DSCAML1: variants seen among roughly 807,000 people sequenced by gnomAD.
DSCAML1 encodes DS cell adhesion molecule like 1.
In DSCAML1, 38 loss-of-function variants were observed where a neutral mutation model predicts 200.5. The ratio of observed to expected loss-of-function variants is 0.19; its 90% CI spans 0.15 to 0.25. The LOEUF (loss-of-function observed/expected upper bound fraction) is 0.25. Ranked by LOEUF, DSCAML1 falls within the 10% of genes least tolerant of loss-of-function variation. The pLI is 1.00. For synonymous variants in DSCAML1, 1,215 were observed against 1,165.0 expected, an observed-to-expected ratio of 1.04 and a Z score of -0.87; for missense variants, 2,223 against 2,858.8, an observed-to-expected ratio of 0.78 and a Z score of 5.07.
chr11:117,443,791 C>T, intron 21 of DSCAML1, 95 bp downstream of exon 21: 4 of 1,477,996 alleles, frequency 2.7e-6, no homozygotes, highest in Non-Finnish European at 2.7e-6. Context: ...GCAGATAAAG[C>T]GGAGCAGGCA....
intron 15 of DSCAML1, among the ~76,000 whole-genome samples, chr11:117,470,501 G>C (rs1033470185): frequency 2.0e-5 from 3 of 152,240 alleles, no homozygotes; most frequent in African/African-American, 7.2e-5. Flanking sequence ...CATGAACCCA[G>C]GGGGTGGAGC....
At chr11:117,725,823 C>T (rs973990663) in intron 3 of DSCAML1, among the ~76,000 whole-genome samples, 1 of 151,076 alleles carries the variant, frequency 6.6e-6, no homozygotes, top group Non-Finnish European at 1.5e-5. Context: ...CAAAACAAAA[C>T]AAAACAAAAC....
intron 4 of DSCAML1, among the ~76,000 whole-genome samples, chr11:117,529,710 G>A (rs1052129408): frequency 6.6e-6 from 1 of 151,880 alleles, no homozygotes; most frequent in South Asian, 2.1e-4. Flanking sequence ...AGGAGCTCTC[G>A]GGGGTCCTGG....
intron 3 of DSCAML1, among the ~76,000 whole-genome samples, chr11:117,594,455 C>T (rs908634808): frequency 2.6e-5 from 4 of 152,204 alleles, no homozygotes; most frequent in Non-Finnish European, 4.4e-5. Context: ...TCATCAGATC[C>T]GCTGATGCTC....
chr11:117,732,037 C>T (rs2054230127), intron 3 of DSCAML1, among the ~76,000 whole-genome samples: 1 of 152,148 alleles, frequency 6.6e-6, no homozygotes, highest in African/African-American at 2.4e-5. Flanking sequence ...AAGGGCCCTA[C>T]TGTCCTCCAG....
intron 11 of DSCAML1, among the ~76,000 whole-genome samples, chr11:117,482,603 G>A (rs1200897886): frequency 6.6e-6 from 1 of 152,146 alleles, no homozygotes; most frequent in Non-Finnish European, 1.5e-5. Context: ...CCATGATCCT[G>A]TAATAGTGCT....
chr11:117,703,775 C>T (rs368021212), intron 3 of DSCAML1, among the ~76,000 whole-genome samples: 2 of 152,332 alleles, frequency 1.3e-5, no homozygotes, highest in East Asian at 3.9e-4. Context: ...ATGTCTATCT[C>T]TAGAGCCTGG....
intron 16 of DSCAML1, 51 bp from the exon 17 acceptor site, chr11:117,465,233 T>C (rs1181781710): frequency 6.9e-6 from 11 of 1,596,678 alleles, no homozygotes; most frequent in South Asian, 4.5e-5. Flanking sequence ...CACGCTGAGA[T>C]GATGCTCTTA....
chr11:117,483,244 G>A (rs901994119), intron 11 of DSCAML1, among the ~76,000 whole-genome samples: 7 of 152,300 alleles, frequency 4.6e-5, no homozygotes, highest in South Asian at 2.1e-4. Flanking sequence ...ATGAGACCTC[G>A]TGCCAGGCTG....
intron 20 of DSCAML1, among the ~76,000 whole-genome samples, chr11:117,444,773 A>G (rs778198770): frequency 1.3e-5 from 2 of 152,232 alleles, no homozygotes; most frequent in African/African-American, 4.8e-5. Context: ...CTTGGAAACC[A>G]GAGGCTCAGA....
intron 3 of DSCAML1, among the ~76,000 whole-genome samples, chr11:117,662,241 T>A (rs1189469138): frequency 6.6e-6 from 1 of 152,174 alleles, no homozygotes; most frequent in African/African-American, 2.4e-5. Flanking sequence ...ACCCAAGTAT[T>A]CAGAGAAGAG....
intron 3 of DSCAML1, among the ~76,000 whole-genome samples, chr11:117,714,550 T>A (rs2053912613): frequency 6.6e-6 from 1 of 152,068 alleles, no homozygotes; most frequent in Admixed American, 6.6e-5. Context: ...GTGCAGTGAC[T>A]CACAGCCTAT....
At chr11:117,577,406 TC>T (rs2050951827) in intron 3 of DSCAML1, among the ~76,000 whole-genome samples, 1 of 85,596 alleles carries the variant, frequency 1.2e-5, no homozygotes, top group South Asian at 4.8e-4. Flanking sequence ...CCTCCCTCCC[TC>T]CCTCCTTTCC....
Position 117,780,621 on chromosome 11 carries a change from T to C in DSCAML1, c.236A>G (p.Asn79Ser). 1 of 1,590,540 alleles carries C rather than the reference T, an allele frequency of 6.3e-7. No individual in the cohort carries two copies. The highest frequency in any genetic ancestry group is 8.6e-7 in the Non-Finnish European group (1 of 1,167,402). Residue 79 changes from asparagine to serine, a missense_variant, in exon 2 of 33, where the codon AAC (asparagine) becomes AGC (serine). By Grantham distance (46) the Asn-to-Ser change is conservative (BLOSUM62 1). This residue lies in a region of DSCAML1 where 579 missense variants were observed against 721.5 expected (regional missense o/e 0.80). Coordinates refer to ENST00000651296, the MANE Select transcript of DSCAML1 (RefSeq NM_020693.4). The surrounding 1 kb of genome is among the most constrained non-coding windows in gnomAD (Gnocchi z 4.8). ...DVPHIRHVHA[N>S]GTLQLYPFSP... ...GAAGGGGTAGAGCTGCAGCGTCCCG[T>C]TGGCGTGGACGTGCCGGATGTGCGG...
intron 3 of DSCAML1, among the ~76,000 whole-genome samples, chr11:117,658,429 G>A (rs534836378): frequency 3.3e-5 from 5 of 152,294 alleles, no homozygotes; most frequent in Middle Eastern, 3.4e-3. Context: ...CTGAAGCCCC[G>A]GAAAGCTGTG....
chr11:117,528,321 C>T (rs535230171), intron 4 of DSCAML1, among the ~76,000 whole-genome samples: 12 of 141,270 alleles, frequency 8.5e-5, no homozygotes, highest in African/African-American at 1.5e-4. Flanking sequence ...GAGGAAGGGG[C>T]GGAGGGAGGG....
intron 17 of DSCAML1, 95 bp from the exon 18 acceptor site, chr11:117,461,691 C>T: frequency 7.9e-7 from 1 of 1,264,148 alleles, no homozygotes; most frequent in Non-Finnish European, 1.1e-6. Flanking sequence ...CGCAGTCCAA[C>T]CAGAGGAGCG....
intron 3 of DSCAML1, among the ~76,000 whole-genome samples, chr11:117,652,248 G>A (rs2052647765): frequency 6.6e-6 from 1 of 152,228 alleles, no homozygotes; most frequent in Non-Finnish European, 1.5e-5. Flanking sequence ...TCTCCAGCGT[G>A]TTGCCTGCTC....
chr11:117,489,491 G>A lies in DSCAML1; in HGVS notation c.2360-7329C>T, dbSNP rs567782392. 6.6e-6 allele frequency among the ~76,000 whole-genome samples: 1 copy of A among 152,316 alleles called. No individual in the cohort carries two copies. Among genetic ancestry groups the A allele is most frequent in the Admixed American group, 6.5e-5 (1 of 15,308 alleles). ...GAGACTTTCTGGGGACTTGAGAGAA[G>A]GGAAGGGCTAGGGCTAGGCACAGTG... is the stretch of plus-strand genomic sequence containing the variant. On this transcript the variant is annotated intron_variant, in intron 11 of 32. Transcript: ENST00000651296. This position sits in a 1 kb window ranked among gnomAD's most constrained non-coding sequence, Gnocchi z 4.8.
Sources: gnomAD v4.1 joint callset for allele counts (sites outside exome capture counted in the v4.1 genomes callset) on GRCh38, gnomAD v4.1.1 for gene constraint, gnomAD v4.1.1 regional missense constraint, Gnocchi (gnomAD v3.1) non-coding constraint, MANE v1.5 for transcripts, NCBI Gene and HGNC (gene_info 2026-07-23, HGNC 2026-07-21) for gene names.